LINGO2: variants seen among roughly 807,000 people sequenced by gnomAD.
LINGO2 encodes the protein leucine-rich repeat and immunoglobulin-like domain-containing nogo receptor-interacting protein 2.
In LINGO2, 14 loss-of-function variants were observed where a neutral mutation model predicts 30.6. The observed-to-expected ratio is 0.46, with a 90% CI of 0.30 to 0.72. The LOEUF is 0.72. LINGO2 is among the 30% of genes least tolerant of loss of function. LINGO2 has a pLI of 0.07. For synonymous variants in LINGO2, 317 were observed against 288.5 expected (o/e 1.10, Z -1.00); for missense variants, 729 against 751.7 (o/e 0.97, Z 0.35).
At chr9:28,996,815 G>A in the LINGO2 span, among the ~76,000 whole-genome samples, 3 of 151,972 alleles carry the variant, frequency 2.0e-5, no homozygotes, top group Non-Finnish European at 4.4e-5. Flanking sequence ...TTCTAGGCAC[G>A]TAAGAAAAAT....
chr9:29,113,279 GAACA>G, the LINGO2 span, among the ~76,000 whole-genome samples: 1 of 152,130 alleles, frequency 6.6e-6, no homozygotes, highest in Non-Finnish European at 1.5e-5. Flanking sequence ...ATTGAAGCAA[GAACA>G]AATATCAAAT....
At chr9:27,967,606 A>C (rs2118696429) in intron 5 of LINGO2, among the ~76,000 whole-genome samples, 1 of 152,214 alleles carries the variant, frequency 6.6e-6, no homozygotes, top group East Asian at 1.9e-4. Flanking sequence ...TTTATTTATA[A>C]ATTGTTTCAG....
intron 3 of LINGO2, among the ~76,000 whole-genome samples, chr9:28,354,158 A>T (rs1457388676): frequency 6.6e-6 from 1 of 152,186 alleles, no homozygotes; most frequent in Non-Finnish European, 1.5e-5. Context: ...TAATTAAAAA[A>T]AAAATGCTGT....
At chr9:28,122,760 GT>G (rs1333875868) in intron 4 of LINGO2, among the ~76,000 whole-genome samples, 1 of 152,144 alleles carries the variant, frequency 6.6e-6, no homozygotes. Context: ...CACAAGTTAT[GT>G]TTTTCAATTC....
chr9:29,003,869 T>C, the LINGO2 span, among the ~76,000 whole-genome samples: 11 of 152,046 alleles, frequency 7.2e-5, no homozygotes, highest in African/African-American at 2.7e-4. Context: ...TAGATTTTAT[T>C]TGACAGTGTT....
At chr9:28,393,856 T>C (rs1343915957) in intron 2 of LINGO2, among the ~76,000 whole-genome samples, 8 of 152,194 alleles carry the variant, frequency 5.3e-5, no homozygotes, top group African/African-American at 1.9e-4. Context: ...TAATGACTAA[T>C]GGAAGTTAGT....
the LINGO2 span, among the ~76,000 whole-genome samples, chr9:29,022,849 T>C: frequency 2.6e-5 from 4 of 152,118 alleles, no homozygotes; most frequent in African/African-American, 4.8e-5. Flanking sequence ...CATTCCCTTC[T>C]CTTGCTAACT....
the LINGO2 span, among the ~76,000 whole-genome samples, chr9:29,187,933 C>G: frequency 6.7e-6 from 1 of 148,586 alleles, no homozygotes; most frequent in Non-Finnish European, 1.5e-5. Context: ...ACATTTAAAA[C>G]TGTTGTTTCC....
intron 2 of LINGO2, among the ~76,000 whole-genome samples, chr9:28,473,346 T>C (rs570720436): frequency 1.3e-5 from 2 of 152,184 alleles, no homozygotes; most frequent in South Asian, 4.1e-4. Flanking sequence ...GATCATCGTC[T>C]TTCTCCATTC....
the LINGO2 span, among the ~76,000 whole-genome samples, chr9:29,122,273 G>C: frequency 6.6e-6 from 1 of 151,940 alleles, no homozygotes; most frequent in African/African-American, 2.4e-5. Flanking sequence ...TACATTTTGA[G>C]ATACTTCATA....
Position 28,093,520 on chromosome 9 carries a change from T to A in LINGO2, c.-86-81115A>T, listed in dbSNP as rs371011655. Among the ~76,000 whole-genome samples, 13 of 152,250 alleles carry A rather than the reference T, an allele frequency of 8.5e-5. No homozygotes were observed. In the East Asian group the frequency reaches 2.1e-3, roughly 25 times the overall value. ...CAATTAGTATACAGTAAGTACTCAC[T>A]AAACATTAGTTTTTTTTTTAACCGT... On this transcript the variant is annotated intron_variant, in intron 4 of 5. Transcript: ENST00000379992.
chr9:28,880,895 G>A, the LINGO2 span, among the ~76,000 whole-genome samples: 1,575 of 152,160 alleles, frequency 0.01, 15 homozygotes, highest in African/African-American at 0.035. Flanking sequence ...TCTGGCCTAC[G>A]TGCACATCCA....
chr9:28,026,398 A>C (rs1367582119), intron 4 of LINGO2, among the ~76,000 whole-genome samples: 1 of 152,162 alleles, frequency 6.6e-6, no homozygotes, highest in Non-Finnish European at 1.5e-5. Flanking sequence ...AATCACCTGG[A>C]TGGCTTGATA....
chr9:28,371,107 TG>T (rs1309051136), intron 3 of LINGO2, among the ~76,000 whole-genome samples: 2 of 152,184 alleles, frequency 1.3e-5, no homozygotes, highest in Non-Finnish European at 1.5e-5. Flanking sequence ...AATATTTAAA[TG>T]TTTCCTGGAG....
At chr9:28,193,986 T>C (rs1392899770) in intron 4 of LINGO2, among the ~76,000 whole-genome samples, 2 of 152,200 alleles carry the variant, frequency 1.3e-5, no homozygotes, top group African/African-American at 4.8e-5. Flanking sequence ...AGTGGAATTG[T>C]ATGGCATTTT....
the LINGO2 span, among the ~76,000 whole-genome samples, chr9:28,995,359 G>A: frequency 2.6e-5 from 4 of 152,304 alleles, no homozygotes; most frequent in South Asian, 8.3e-4. Context: ...TCATTAAAAA[G>A]TCAGGAAACA....
chr9:28,653,165 A>G (rs1828185453), intron 1 of LINGO2, among the ~76,000 whole-genome samples: 1 of 152,306 alleles, frequency 6.6e-6, no homozygotes, highest in Non-Finnish European at 1.5e-5. Flanking sequence ...GTGCCTTAAT[A>G]AAACAGAAGT....
intron 1 of LINGO2, among the ~76,000 whole-genome samples, chr9:28,506,479 C>T (rs375901964): frequency 2.6e-3 from 29 of 11,356 alleles, no homozygotes; most frequent in Admixed American, 7.6e-3. Flanking sequence ...CACACACACA[C>T]ATACACATAC....
At chr9:28,739,087 G>C in the LINGO2 span, among the ~76,000 whole-genome samples, 1 of 151,816 alleles carries the variant, frequency 6.6e-6, no homozygotes, top group Non-Finnish European at 1.5e-5. Context: ...CATTCCAAAA[G>C]GGATATATAA....
Sources: allele counts gnomAD v4.1 joint callset (sites outside exome capture counted in the v4.1 genomes callset), GRCh38; gene constraint gnomAD v4.1.1; transcripts MANE v1.5; gene names NCBI Gene and HGNC (gene_info 2026-07-23, HGNC 2026-07-21).